The following GOLT1B variants were observed in gnomAD, a reference collection of about 807,000 sequenced individuals.
GOLT1B encodes the protein vesicle transport protein GOT1B.
A neutral mutation model predicts 15.4 loss-of-function variants in GOLT1B; 3 were observed. That is an observed-to-expected ratio of 0.19 (90% CI 0.09 to 0.50). GOLT1B has a LOEUF of 0.50. Among genes scored for constraint, GOLT1B ranks in the 20% least tolerant of loss-of-function variants. GOLT1B has a pLI of 0.97. For missense variants in GOLT1B, 145 were observed against 160.4 expected, an observed-to-expected ratio of 0.90 and a Z score of 0.52; for synonymous variants, 65 against 56.2, an observed-to-expected ratio of 1.16 and a Z score of -0.70.
At chr12:21,509,411 A>G (rs1378194369) in intron 3 of GOLT1B, among the ~76,000 whole-genome samples, 1 of 151,160 alleles carries the variant, frequency 6.6e-6, no homozygotes, top group East Asian at 1.9e-4. Context: ...AAAAAAAAAA[A>G]AAAAAAAAAA....
At position 21,512,317 on chromosome 12, in the gene GOLT1B, G is replaced by A; in HGVS notation, c.319G>A (p.Gly107Ser). 1 of 1,567,320 alleles carries A rather than the reference G, an allele frequency of 6.4e-7. No homozygotes were observed. The highest frequency in any genetic ancestry group is 8.8e-7 in the Non-Finnish European group (1 of 1,138,872). ...CAGGGGCTTCTTTCCTGTCGTTGTT[G>A]GCTTTATTAGAAGAGTGCCAGTCCT... Reference protein sequence around the residue: ...LFRGFFPVVVGFIRRVPVLGS... With the variant: ...LFRGFFPVVVSFIRRVPVLGS... Residue 107 changes from glycine to serine, a missense_variant, in exon 4 of 5, where the codon GGC (glycine) becomes AGC (serine). Transcript: ENST00000229314.
rs1274583870 is a variant in GOLT1B, at chr12:21,518,095, T to C, written c.*2388T>C. On this transcript the variant is annotated 3_prime_UTR_variant, in exon 5 of 5. Coordinates refer to ENST00000229314, the MANE Select transcript of GOLT1B (RefSeq NM_016072.5). ...AAAGTCCCACTGTCAGATTATATTA[T>C]CTAACAATTGAATATTGTAAATATA... The C allele has an allele frequency of 6.6e-6, 1 of 152,546 alleles. No homozygotes were observed. The highest frequency in any genetic ancestry group is 1.5e-5 in the Non-Finnish European group (1 of 67,992). 9.4% of individuals were successfully genotyped at this position (152,546 alleles called of 1,614,324 possible).
intron 1 of GOLT1B, among the ~76,000 whole-genome samples, chr12:21,505,284 G>A (rs974001621): frequency 2.0e-5 from 3 of 152,140 alleles, no homozygotes; most frequent in Non-Finnish European, 2.9e-5. Context: ...TGAAATGATA[G>A]AAATTAGTCA....
At chr12:21,504,533 C>T (rs763655233) in intron 1 of GOLT1B, 9 of 500,520 alleles carry the variant, frequency 1.8e-5, no homozygotes, top group South Asian at 1.2e-4. Flanking sequence ...GTTGTAGGAC[C>T]ATTGTCTGTG....
rs1018633945 is a variant in GOLT1B, at chr12:21,518,322, T to C, written c.*2615T>C. ...GTTGAAATGTACTAATGAATACAAA[T>C]AGACTTCAAGTAAGCAAAAATGTTC... On this transcript the variant is annotated 3_prime_UTR_variant, in exon 5 of 5. Coordinates refer to ENST00000229314, the MANE Select transcript of GOLT1B (RefSeq NM_016072.5). The C allele has an allele frequency of 1.1e-4, 17 of 152,170 alleles. 1 individual carries two copies. The highest frequency in any genetic ancestry group is 1.1e-3 in the Admixed American group (17 of 15,276). 9.4% of individuals were successfully genotyped at this position (152,170 alleles called of 1,614,324 possible).
At chr12:21,513,852 C>T (rs772910540) in intron 4 of GOLT1B, among the ~76,000 whole-genome samples, 1 of 152,190 alleles carries the variant, frequency 6.6e-6, no homozygotes, top group Non-Finnish European at 1.5e-5. Context: ...CCATGTAAAA[C>T]TACAGTCCTT....
Position 21,516,496 on chromosome 12 carries a change from G to A in GOLT1B, c.*789G>A, listed in dbSNP as rs1333828457. 1.3e-5 allele frequency: 2 copies of A among 152,032 alleles called. No homozygotes were observed. The highest frequency in any genetic ancestry group is 4.8e-5 in the African/African-American group (2 of 41,430). The allele number at this position is 152,032 out of a possible 1,614,324, so 9.4% of individuals were successfully genotyped here. On this transcript the variant is annotated 3_prime_UTR_variant, in exon 5 of 5. Coordinates refer to ENST00000229314, the MANE Select transcript of GOLT1B (RefSeq NM_016072.5). ...AAAAGCATTCTTGACCATGAATGAAGTAGTTTGTTTCATAGCTTGTCTCAT... is the reference window on the plus strand; with the variant it reads ...AAAAGCATTCTTGACCATGAATGAAATAGTTTGTTTCATAGCTTGTCTCAT...
intron 1 of GOLT1B, among the ~76,000 whole-genome samples, chr12:21,502,769 T>A (rs1943645028): frequency 6.6e-6 from 1 of 152,222 alleles, no homozygotes; most frequent in Admixed American, 6.5e-5. Context: ...TTTGTATTTA[T>A]GTCTGCCCAA....
chr12:21,508,996 C>T (rs929736869), intron 3 of GOLT1B, among the ~76,000 whole-genome samples: 1 of 152,004 alleles, frequency 6.6e-6, no homozygotes, highest in Non-Finnish European at 1.5e-5. Flanking sequence ...AGCACATATA[C>T]GTATTAGAAG....
At chr12:21,511,498 G>A (rs191004453) in intron 3 of GOLT1B, among the ~76,000 whole-genome samples, 2 of 152,208 alleles carry the variant, frequency 1.3e-5, no homozygotes, top group East Asian at 1.9e-4. Flanking sequence ...CCTCCCCTTC[G>A]TGGAGGTTAG....
Position 21,506,913 on chromosome 12 carries a change from A to G in GOLT1B, c.54A>G (p.Gly18=). The G allele has an allele frequency of 6.7e-7, 1 of 1,495,842 alleles. No individual in the cohort carries two copies. Among genetic ancestry groups the G allele is most frequent in the Non-Finnish European group, 9.3e-7 (1 of 1,075,000 alleles). 92.7% of individuals were successfully genotyped at this position (1,495,842 alleles called of 1,614,324 possible). ...TTGGAATGGGATTAACAGGATTTGG[A>G]GTGTTTTTCCTGTTCTTTGGAATGA... is the stretch of plus-strand genomic sequence containing the variant. ...QKIGMGLTGF[G]VFFLFFGMIL... The change falls in exon 2 of 5, where the codon GGA becomes GGG. Residue 18 remains glycine, a synonymous_variant. Coordinates refer to ENST00000229314, the MANE Select transcript of GOLT1B (RefSeq NM_016072.5).
chr12:21,516,872 T>C lies in GOLT1B; in HGVS notation c.*1165T>C, dbSNP rs1943759608. On this transcript the variant is annotated 3_prime_UTR_variant, in exon 5 of 5. Transcript: ENST00000229314. Reference sequence around the variant, plus strand: ...TTCACGTGCTAAAGTCATTTCACTGTAATAAACTGACTGTGGTTTCTTAAG... The same window carrying C: ...TTCACGTGCTAAAGTCATTTCACTGCAATAAACTGACTGTGGTTTCTTAAG... The C allele has an allele frequency of 6.6e-6, 1 of 152,372 alleles. No homozygotes were observed. Among genetic ancestry groups the C allele is most frequent in the Non-Finnish European group, 1.5e-5 (1 of 67,914 alleles). The allele number at this position is 152,372 out of a possible 1,614,324, so 9.4% of individuals were successfully genotyped here.
In GOLT1B at chr12:21,510,626, G is replaced by A. The variant is rs117215518; in HGVS notation, c.297-1669G>A. ...TAGATATTTATAACCCTAAATAATG[G>A]CATTTGAAATCACACATTTTTATGT... On this transcript the variant is annotated intron_variant, in intron 3 of 4. Coordinates refer to ENST00000229314, the MANE Select transcript of GOLT1B (RefSeq NM_016072.5). 5.3e-3 allele frequency among the ~76,000 whole-genome samples: 804 copies of A among 152,148 alleles called. 3 individuals are homozygous for A. The highest frequency in any genetic ancestry group is 8.8e-3 in the Non-Finnish European group (600 of 67,990).
chr12:21,512,906 G>A (rs1415557388), intron 4 of GOLT1B, among the ~76,000 whole-genome samples: 4 of 151,688 alleles, frequency 2.6e-5, no homozygotes, highest in South Asian at 2.1e-4. Context: ...CTCTACCCCC[G>A]CAAATACAAA....
At chr12:21,504,195 T>A (rs1943661925) in intron 1 of GOLT1B, among the ~76,000 whole-genome samples, 1 of 152,258 alleles carries the variant, frequency 6.6e-6, no homozygotes, top group Non-Finnish European at 1.5e-5. Flanking sequence ...ATATTTTTTT[T>A]AACTTGTGGA....
intron 4 of GOLT1B, chr12:21,515,248 C>T (rs1943747542): frequency 3.4e-6 from 5 of 1,461,726 alleles, no homozygotes; most frequent in Non-Finnish European, 4.6e-6. Flanking sequence ...ACTACATAGG[C>T]CCAGAAGAGA....
Position 21,509,510 on chromosome 12 carries a change from T to C in GOLT1B, c.296+949T>C, listed in dbSNP as rs1468553550. ...CCTTTGTCTTCTGTCTGCCAGGCAC[T>C]GTATTACCCACAGGAGACATAAAAA... On this transcript the variant is annotated intron_variant, in intron 3 of 4. Transcript: ENST00000229314. 4.0e-5 allele frequency among the ~76,000 whole-genome samples: 6 copies of C among 151,662 alleles called. No individual in the cohort carries two copies. In the East Asian group the frequency reaches 9.7e-4, roughly 24 times the overall value.
intron 1 of GOLT1B, among the ~76,000 whole-genome samples, chr12:21,504,856 A>G (rs1943668219): frequency 6.6e-6 from 1 of 152,226 alleles, no homozygotes; most frequent in Admixed American, 6.5e-5. Context: ...CTAATATTAA[A>G]CTTGAATCCC....
chr12:21,507,933 C>A (rs539507063), intron 2 of GOLT1B: 3 of 454,310 alleles, frequency 6.6e-6, no homozygotes, highest in Admixed American at 2.4e-5. Flanking sequence ...CAATATTTCT[C>A]CCATCCATAG....
Sources: gnomAD v4.1 joint callset for allele counts (sites outside exome capture counted in the v4.1 genomes callset) on GRCh38, gnomAD v4.1.1 for gene constraint, MANE v1.5 for transcripts, NCBI Gene and HGNC (gene_info 2026-07-23, HGNC 2026-07-21) for gene names.